The following AOPEP variants were observed in gnomAD, a reference collection of about 807,000 sequenced individuals.
AOPEP encodes the protein aminopeptidase O (putative).
A neutral mutation model predicts 98.1 loss-of-function variants in AOPEP; 77 were observed. That is an observed-to-expected ratio of 0.78 (90% CI 0.65 to 0.95). The LOEUF is 0.95. AOPEP is among the 40% of genes least tolerant of loss of function. AOPEP has a pLI of 0.00. For missense variants in AOPEP, 1,024 were observed against 1,024.7 expected, an observed-to-expected ratio of 1.00 and a Z score of 0.01; for synonymous variants, 346 against 365.3, an observed-to-expected ratio of 0.95 and a Z score of 0.60.
chr9:94,950,023 G>T (rs1005153991), intron 7 of AOPEP, among the ~76,000 whole-genome samples: 15 of 152,216 alleles, frequency 9.9e-5, no homozygotes, highest in Non-Finnish European at 2.2e-4. Flanking sequence ...AAAATCAGCA[G>T]TCTCACCAAG....
chr9:94,888,411 C>A (rs1001373398), intron 5 of AOPEP, among the ~76,000 whole-genome samples: 1 of 151,902 alleles, frequency 6.6e-6, no homozygotes, highest in African/African-American at 2.4e-5. Context: ...ACCCATCAGT[C>A]AGCCTTCCAT....
At chr9:95,039,703 G>T (rs1564558345) in intron 13 of AOPEP, among the ~76,000 whole-genome samples, 2 of 152,064 alleles carry the variant, frequency 1.3e-5, no homozygotes, top group Non-Finnish European at 2.9e-5. Context: ...TTAGGAGCTT[G>T]CTAATTTGTT....
downstream of AOPEP, among the ~76,000 whole-genome samples, chr9:95,091,421 G>A (rs2070865364): frequency 6.6e-6 from 1 of 152,228 alleles, no homozygotes; most frequent in East Asian, 1.9e-4. Context: ...ACATTAAAGT[G>A]TGGTGGCTCT....
chr9:95,148,170 C>A, the AOPEP span, among the ~76,000 whole-genome samples: 1 of 152,154 alleles, frequency 6.6e-6, no homozygotes, highest in Admixed American at 6.5e-5. Context: ...GTTTAACATA[C>A]TGACTTTATT....
intron 11 of AOPEP, among the ~76,000 whole-genome samples, chr9:94,989,974 C>G (rs746072670): frequency 3.9e-5 from 6 of 152,178 alleles, no homozygotes; most frequent in Admixed American, 1.3e-4. Flanking sequence ...AAACATTGCG[C>G]TGGGTGGTTT....
chr9:95,141,189 G>A, the AOPEP span, among the ~76,000 whole-genome samples: 1 of 151,782 alleles, frequency 6.6e-6, no homozygotes, highest in Admixed American at 6.6e-5. Context: ...GCACATGCCT[G>A]TAGTCCCAGC....
chr9:94,763,250 A>G, intron 2 of AOPEP: 1 of 236,794 alleles, frequency 4.2e-6, no homozygotes, highest in South Asian at 4.6e-5. Context: ...AGTATATTTA[A>G]AACATAAATT....
At chr9:94,855,904 A>G (rs2044146662) in intron 5 of AOPEP, among the ~76,000 whole-genome samples, 1 of 152,196 alleles carries the variant, frequency 6.6e-6, no homozygotes, top group African/African-American at 2.4e-5. Flanking sequence ...AAGAATATAT[A>G]TAACAAAGGA....
chr9:94,999,091 A>T (rs936202700), intron 11 of AOPEP, among the ~76,000 whole-genome samples: 2 of 152,046 alleles, frequency 1.3e-5, no homozygotes, highest in African/African-American at 2.4e-5. Context: ...GAACCATAAG[A>T]TTTTCCCAGA....
At chr9:94,900,513 C>A (rs1185813327) in intron 5 of AOPEP, 1 of 152,206 alleles carries the variant, frequency 6.6e-6, no homozygotes, top group African/African-American at 2.4e-5. Flanking sequence ...CCTCATGCTT[C>A]CCCCTCTCTC....
chr9:94,922,378 C>CA (rs1362109998), intron 5 of AOPEP, among the ~76,000 whole-genome samples: 1 of 152,264 alleles, frequency 6.6e-6, no homozygotes, highest in Non-Finnish European at 1.5e-5. Context: ...CCTGCCCACG[C>CA]AGGCTTGCCC....
chr9:94,808,433 A>T (rs356129), intron 5 of AOPEP, among the ~76,000 whole-genome samples: 33,291 of 151,880 alleles, frequency 0.22, 5,092 homozygotes, highest in African/African-American at 0.43. Flanking sequence ...ACTTTTTTTT[A>T]AAAAAAATTG....
intron 14 of AOPEP, among the ~76,000 whole-genome samples, chr9:95,071,736 G>T (rs910953892): frequency 3.3e-5 from 5 of 152,124 alleles, no homozygotes; most frequent in Non-Finnish European, 7.3e-5. Context: ...TGTCTGCTCA[G>T]GCCCTTGTGA....
intron 5 of AOPEP, among the ~76,000 whole-genome samples, chr9:94,859,559 G>A (rs374248741): frequency 4.6e-5 from 7 of 152,294 alleles, no homozygotes; most frequent in African/African-American, 1.7e-4. Flanking sequence ...AACATTCACA[G>A]TTCCAGGAAT....
chr9:95,137,691 C>T, the AOPEP span, among the ~76,000 whole-genome samples: 5 of 152,128 alleles, frequency 3.3e-5, no homozygotes, highest in East Asian at 1.9e-4. Flanking sequence ...GTGGAAGCTC[C>T]GGGAGAGGAA....
intron 7 of AOPEP, chr9:94,932,205 G>T (rs980918868): frequency 8.1e-6 from 8 of 987,564 alleles, no homozygotes; most frequent in Admixed American, 6.1e-5. Flanking sequence ...ACAGGTCAGG[G>T]TGAAAAGTAT....
chr9:95,074,655 G>A (rs1241561536), intron 14 of AOPEP, among the ~76,000 whole-genome samples: 1 of 152,244 alleles, frequency 6.6e-6, no homozygotes, highest in Non-Finnish European at 1.5e-5. Context: ...ATTCAAGGGT[G>A]CACACCTGTG....
chr9:95,070,398 C>T (rs904246117), intron 14 of AOPEP, among the ~76,000 whole-genome samples: 1 of 152,122 alleles, frequency 6.6e-6, no homozygotes, highest in Admixed American at 6.5e-5. Context: ...GATCATGTTC[C>T]CTGGACAGAT....
At chr9:94,857,536 C>T (rs2044371344) in intron 5 of AOPEP, among the ~76,000 whole-genome samples, 1 of 152,148 alleles carries the variant, frequency 6.6e-6, no homozygotes, top group Non-Finnish European at 1.5e-5. Context: ...TGTTTTTCTT[C>T]TCAGTGTATC....
Sources: gnomAD v4.1 joint callset for allele counts (sites outside exome capture counted in the v4.1 genomes callset) on GRCh38, gnomAD v4.1.1 for gene constraint, MANE v1.5 for transcripts, NCBI Gene and HGNC (gene_info 2026-07-23, HGNC 2026-07-21) for gene names.